DENND11: variants seen among roughly 807,000 people sequenced by gnomAD.
DENND11 encodes DENN domain-containing protein 11.
DENND11 carries 34 observed loss-of-function variants against 49.2 expected under a neutral mutation model. The observed-to-expected ratio is 0.69, with a 90% CI of 0.53 to 0.92. The LOEUF is 0.92. DENND11 is among the 40% of genes least tolerant of loss of function. The pLI, the probability that DENND11 is intolerant of heterozygous loss-of-function variation, is 0.00. For missense variants in DENND11, 475 were observed against 581.6 expected (o/e 0.82, Z 1.88); for synonymous variants, 238 against 230.3 (o/e 1.03, Z -0.30).
At position 141,702,023 on chromosome 7, in the gene DENND11, G is replaced by A; in HGVS notation, c.131C>T (p.Ala44Val). 9.4e-7 allele frequency: 1 copy of A among 1,061,392 alleles called. No individual in the cohort carries two copies. The highest frequency in any genetic ancestry group is 1.1e-6 in the Non-Finnish European group (1 of 880,404). 65.7% of individuals were successfully genotyped at this position (1,061,392 alleles called of 1,614,324 possible). A position where few individuals can be genotyped will look rare whatever the true frequency, so the allele number is the denominator to read the frequency against. The change falls in exon 1 of 9, where the codon GCG becomes GTG. Residue 44 changes from alanine (A) to valine (V), a missense_variant. Transcript: ENST00000536163. ...GGGCTCCCGCCTCCGGGGCGGCTCCGCGGCCGGCCGGGCGCCCCCGCCGCC... is the reference window on the plus strand; with the variant it reads ...GGGCTCCCGCCTCCGGGGCGGCTCCACGGCCGGCCGGGCGCCCCCGCCGCC... ...RGGGGGARPA[A>V]EPPRRREPEE...
In DENND11 at chr7:141,674,039, A is replaced by C. The variant is rs145554271; in HGVS notation, c.681+28T>G. ...CTATTCCCAGATACAGATCCAGTAT[A>C]GTGTAAGAAAAGCAGGGCTAACCTC... is the stretch of plus-strand genomic sequence containing the variant. On this transcript the variant is annotated intron_variant, in intron 4 of 8. Coordinates refer to ENST00000536163, the MANE Select transcript of DENND11 (RefSeq NM_001080392.2). 1,185 of 1,596,782 alleles carry C rather than the reference A, an allele frequency of 7.4e-4. 7 individuals are homozygous for C. In the African/African-American group the frequency reaches 0.013, roughly 18 times the overall value.
chr7:141,690,884 G>A (rs184013661), intron 1 of DENND11, among the ~76,000 whole-genome samples: 2 of 152,122 alleles, frequency 1.3e-5, no homozygotes, highest in Non-Finnish European at 2.9e-5. Context: ...TCAATACAGT[G>A]CTTAATGTTT....
chr7:141,685,527 AG>A lies in DENND11; in HGVS notation c.477del (p.Ser160ProfsTer67). On this transcript the variant is annotated frameshift_variant, in exon 3 of 9. Coordinates refer to ENST00000536163, the MANE Select transcript of DENND11 (RefSeq NM_001080392.2). LOFTEE classifies it high-confidence loss of function. ...ARMKSVGILS[P>X]SYTLLYRYMH... ...ATGTAGCGGTAAAGCAGTGTGTAGG[AG>A]GGAGAGAGGATGCCCACAGACTTCA... is the stretch of plus-strand genomic sequence containing the variant. 1 of 1,613,934 alleles carries A rather than the reference AG, an allele frequency of 6.2e-7. No individual in the cohort carries two copies.
intron 5 of DENND11, 60 bp from the exon 6 acceptor site, chr7:141,665,378 G>A (rs1797878039): frequency 8.1e-6 from 13 of 1,598,220 alleles, no homozygotes; most frequent in East Asian, 4.5e-5. Flanking sequence ...TTCCTCCCTC[G>A]GAGCCTGCGG....
In DENND11 at chr7:141,701,944, G is replaced by C; in HGVS notation, c.210C>G (p.Gly70=). 8.4e-7 allele frequency: 1 copy of C among 1,196,034 alleles called. No homozygotes were observed. The highest frequency in any genetic ancestry group is 1.0e-6 in the Non-Finnish European group (1 of 964,904). The allele number at this position is 1,196,034 out of a possible 1,614,324, so 74.1% of individuals were successfully genotyped here. ...VLLQPGRLEL[G]DVEEDQVVAV... ...CCACCACCTGGTCCTCCTCCACGTC[G>C]CCCAGCTCCAGGCGCCCGGGCTGCA... The change falls in exon 1 of 9, where the codon GGC becomes GGG. Residue 70 remains glycine (G), a synonymous_variant. Transcript: ENST00000536163.
chr7:141,693,359 T>C (rs539872880), intron 1 of DENND11, among the ~76,000 whole-genome samples: 2 of 152,342 alleles, frequency 1.3e-5, no homozygotes, highest in African/African-American at 4.8e-5. Context: ...CAAATGCTGA[T>C]GAGGATGTGG....
intron 3 of DENND11, among the ~76,000 whole-genome samples, chr7:141,682,007 A>G (rs1451360865): frequency 6.6e-6 from 1 of 152,194 alleles, no homozygotes; most frequent in African/African-American, 2.4e-5. Flanking sequence ...TGAACTAGTG[A>G]CCATCCGTAT....
chr7:141,674,295 C>T, intron 3 of DENND11, 75 bp from the exon 4 acceptor site: 2 of 1,434,146 alleles, frequency 1.4e-6, no homozygotes, highest in Non-Finnish European at 1.8e-6. Context: ...TGCTACCACT[C>T]CTACCCTCCG....
chr7:141,685,489 C>T lies in DENND11; in HGVS notation c.516G>A (p.Glu172=). 6.2e-7 allele frequency: 1 copy of T among 1,613,888 alleles called. No homozygotes were observed. Among genetic ancestry groups the T allele is most frequent in the South Asian group, 1.1e-5 (1 of 91,088 alleles). Residue 172 remains glutamate, a synonymous_variant, in exon 3 of 9, where the codon GAG becomes GAA. Transcript: ENST00000536163. The part of the protein sequence containing the change: ...TLLYRYMHFL[E]NQVRHQLEMP... ...CGGAAGCCACGTACCGAACCTGGTT[C>T]TCCAAGAAGTGCATGTAGCGGTAAA...
At chr7:141,669,792 AT>A (rs962893861) in intron 4 of DENND11, among the ~76,000 whole-genome samples, 1 of 149,364 alleles carries the variant, frequency 6.7e-6, no homozygotes, top group Non-Finnish European at 1.5e-5. Context: ...GACAAGTATT[AT>A]TATATCATAC....
rs535903346 is a variant in DENND11 at position 141,657,601 on chromosome 7, A to C, written c.*5055T>G. On this transcript the variant is annotated 3_prime_UTR_variant, in exon 9 of 9. Transcript: ENST00000536163. ...TAGAAAGCAAAGTAAATTTATTGTT[A>C]GTCTAAATAAGCATTCTATAGCAAA... 6 of 152,364 alleles carry C rather than the reference A, an allele frequency of 3.9e-5. No individual in the cohort carries two copies. The highest frequency in any genetic ancestry group is 2.1e-4 in the South Asian group (1 of 4,832). The allele number at this position is 152,364 out of a possible 1,614,324, so 9.4% of individuals were successfully genotyped here. A position where few individuals can be genotyped will look rare whatever the true frequency, so the allele number is the denominator to read the frequency against.
chr7:141,671,968 T>C (rs545190278), intron 4 of DENND11, among the ~76,000 whole-genome samples: 33 of 152,366 alleles, frequency 2.2e-4, no homozygotes, highest in Non-Finnish European at 4.3e-4. Context: ...GGACTGTAGA[T>C]TGAAAGGCAG....
rs569933956 is a variant in DENND11, at chr7:141,661,141, G to C, written c.*1515C>G. The C allele has an allele frequency of 1.3e-5, 2 of 152,180 alleles. No homozygotes were observed. Among genetic ancestry groups the C allele is most frequent in the African/African-American group, 4.8e-5 (2 of 41,426 alleles). 9.4% of individuals were successfully genotyped at this position (152,180 alleles called of 1,614,324 possible). On this transcript the variant is annotated 3_prime_UTR_variant, in exon 9 of 9. Coordinates refer to ENST00000536163, the MANE Select transcript of DENND11 (RefSeq NM_001080392.2). ...CACCATTTGAATGTTATTTCTCCCT[G>C]CTGTGTACATTAGTCTGGCTGGGTG...
chr7:141,676,393 G>C (rs1798060846), intron 3 of DENND11, among the ~76,000 whole-genome samples: 1 of 152,126 alleles, frequency 6.6e-6, no homozygotes, highest in South Asian at 2.1e-4. Context: ...TTGCTGATTT[G>C]CTGCTCAGTT....
At chr7:141,696,702 G>T (rs1003637618) in intron 1 of DENND11, among the ~76,000 whole-genome samples, 1 of 152,142 alleles carries the variant, frequency 6.6e-6, no homozygotes, top group Non-Finnish European at 1.5e-5. Flanking sequence ...AGGAATAAAG[G>T]CATGAATCAA....
At chr7:141,698,073 C>A (rs536481824) in intron 1 of DENND11, among the ~76,000 whole-genome samples, 12 of 152,190 alleles carry the variant, frequency 7.9e-5, no homozygotes, top group Non-Finnish European at 1.3e-4. Context: ...AAACTCTAAA[C>A]GCAGCAGTGT....
At chr7:141,670,876 A>G (rs1478119539) in intron 4 of DENND11, among the ~76,000 whole-genome samples, 2 of 152,214 alleles carry the variant, frequency 1.3e-5, no homozygotes, top group African/African-American at 2.4e-5. Context: ...GGTTATATGC[A>G]CATACTACAC....
chr7:141,664,228 C>A lies in DENND11; in HGVS notation c.1116G>T (p.Leu372Phe). 2.5e-6 allele frequency: 4 copies of A among 1,583,430 alleles called. No individual in the cohort carries two copies. The highest frequency in any genetic ancestry group is 3.4e-6 in the Non-Finnish European group (4 of 1,162,994). Residue 372 changes from leucine to phenylalanine, a missense_variant, in exon 8 of 9, where the codon TTG becomes TTT. Physicochemically the swap from Leu to Phe is conservative, Grantham distance 22. Coordinates refer to ENST00000536163, the MANE Select transcript of DENND11 (RefSeq NM_001080392.2). The stretch of plus-strand genomic sequence containing the variant: ...AGTCTTCTTCTACTTCCTGGGAGTA[C>A]AACAGCATCTGCCTGTTGGGAAGAT... Reference protein sequence around the residue: ...RRLNEQRQMLLYSQEVEEDYN... With the variant: ...RRLNEQRQMLFYSQEVEEDYN...
chr7:141,677,961 CT>C (rs796426020), intron 3 of DENND11, among the ~76,000 whole-genome samples: 208 of 146,050 alleles, frequency 1.4e-3, no homozygotes, highest in Middle Eastern at 7.4e-3. Flanking sequence ...CCTCAATAAT[CT>C]TTTTTTTTTT....
Sources: allele counts gnomAD v4.1 joint callset (sites outside exome capture counted in the v4.1 genomes callset), GRCh38; gene constraint gnomAD v4.1.1; transcripts MANE v1.5; gene names NCBI Gene and HGNC (gene_info 2026-07-23, HGNC 2026-07-21).